CDH4: variants seen among roughly 807,000 people sequenced by gnomAD.
CDH4 encodes the protein cadherin-4.
A neutral mutation model predicts 86.0 loss-of-function variants in CDH4; 33 were observed. That is an observed-to-expected ratio of 0.38 (90% confidence interval 0.29 to 0.51). CDH4 has a LOEUF of 0.51. CDH4 is among the 20% of genes least tolerant of loss of function. The pLI is 0.86. For synonymous variants in CDH4, 555 were observed against 549.4 expected (o/e 1.01, Z -0.14); for missense variants, 1,114 against 1,307.4 (o/e 0.85, Z 2.28).
At position 61,372,664 on chromosome 20, in the gene CDH4, C is replaced by T. The variant is rs543362340; in HGVS notation, c.169+117727C>T. The stretch of plus-strand genomic sequence containing the variant: ...TGGCTCCAGTTCTCGGTTACCCTGA[C>T]GTCCCCTGAGATCCAGACCTGGAGC... On this transcript the variant is annotated intron_variant, in intron 2 of 15. Coordinates refer to ENST00000614565, the MANE Select transcript of CDH4 (RefSeq NM_001794.5). Among the ~76,000 whole-genome samples, 5 of 152,324 alleles carry T rather than the reference C, an allele frequency of 3.3e-5. No homozygotes were observed. The South Asian group carries it at 8.3e-4, about 25-fold the overall frequency.
At chr20:61,285,305 C>G (rs1444876980) in intron 2 of CDH4, among the ~76,000 whole-genome samples, 1 of 152,226 alleles carries the variant, frequency 6.6e-6, no homozygotes, top group Non-Finnish European at 1.5e-5. Flanking sequence ...CCACAGCTGC[C>G]TGCTCTTGAC....
intron 2 of CDH4, among the ~76,000 whole-genome samples, chr20:61,725,736 G>T (rs530997258): frequency 2.6e-5 from 4 of 152,140 alleles, no homozygotes; most frequent in African/African-American, 9.6e-5. Flanking sequence ...AGAGACACAA[G>T]GGGGGAGGAG....
intron 3 of CDH4, among the ~76,000 whole-genome samples, chr20:61,765,573 AGAG>A (rs149908568): frequency 3.9e-5 from 6 of 152,112 alleles, no homozygotes; most frequent in Admixed American, 1.3e-4. Context: ...AGAGCAGGGA[AGAG>A]GAGGAGGAGG....
Position 61,583,130 on chromosome 20 carries a change from C to CGGGGGGACAGAGGGCTCTGCG in CDH4, c.170-160431_170-160411dup, listed in dbSNP as rs1568697039. ...GGGTACCGTGCAACAGAAGGCTCTG[C>CGGGGGGACAGAGGGCTCTGCG]GGGGGGACAGAGGGCTCTGCGGAGG... On this transcript the variant is annotated intron_variant, in intron 2 of 15. Coordinates refer to ENST00000614565, the MANE Select transcript of CDH4 (RefSeq NM_001794.5). Among the ~76,000 whole-genome samples, 5 of 120,772 alleles carry CGGGGGGACAGAGGGCTCTGCG rather than the reference C, an allele frequency of 4.1e-5. 2 individuals carry two copies. Among genetic ancestry groups the CGGGGGGACAGAGGGCTCTGCG allele is most frequent in the Admixed American group, 1.8e-4 (2 of 11,302 alleles). The allele number at this position is 120,772 out of a possible 152,430, so 79.2% of individuals were successfully genotyped here.
intron 10 of CDH4, 76 bp downstream of exon 10, chr20:61,923,780 T>C: frequency 2.1e-6 from 3 of 1,449,286 alleles, no homozygotes; most frequent in South Asian, 1.3e-5. Flanking sequence ...AAATACCCCA[T>C]GAAACCCACA....
chr20:61,269,830 A>T lies in CDH4; in HGVS notation c.169+14893A>T, dbSNP rs933385126. ...GGGGAGACTGTCAGATAGCAACTCC[A>T]TGTTCCCGACGCATGACCGGACCTC... On this transcript the variant is annotated intron_variant, in intron 2 of 15. Coordinates refer to ENST00000614565, the MANE Select transcript of CDH4 (RefSeq NM_001794.5). This position sits in a 1 kb window ranked among gnomAD's most constrained non-coding sequence, Gnocchi z 5.3. Among the ~76,000 whole-genome samples the T allele has an allele frequency of 6.6e-6, 1 of 152,058 alleles. No individual in the cohort carries two copies. The highest frequency in any genetic ancestry group is 1.5e-5 in the Non-Finnish European group (1 of 68,020).
At chr20:61,839,583 G>T (rs946576327) in intron 4 of CDH4, among the ~76,000 whole-genome samples, 8 of 151,598 alleles carry the variant, frequency 5.3e-5, no homozygotes, top group Non-Finnish European at 7.4e-5. Context: ...TGTGTGTGAC[G>T]TGTGTATGTG....
chr20:61,782,081 C>G (rs573431312), intron 4 of CDH4, among the ~76,000 whole-genome samples: 2 of 152,248 alleles, frequency 1.3e-5, no homozygotes, highest in East Asian at 3.9e-4. Flanking sequence ...CCAATGCAGG[C>G]AGATCACCTG....
chr20:61,743,644 C>T lies in CDH4; in HGVS notation c.251C>T (p.Thr84Ile). The change falls in exon 3 of 16, where the codon ACA becomes ATA. Residue 84 changes from threonine to isoleucine, a missense_variant. Physicochemically the swap from Thr to Ile is moderately conservative, Grantham distance 89. Coordinates refer to ENST00000614565, the MANE Select transcript of CDH4 (RefSeq NM_001794.5). ...GACTTCAAAGTTGGGGCAGATGGGA[C>T]AGTCTTCGCCACCCGGGAGCTGCAG... is the stretch of plus-strand genomic sequence containing the variant. Reference protein sequence around the residue: ...SMDFKVGADGTVFATRELQVP... With the variant: ...SMDFKVGADGIVFATRELQVP... 1.3e-6 allele frequency: 2 copies of T among 1,594,594 alleles called. No individual in the cohort carries two copies. Among genetic ancestry groups the T allele is most frequent in the Non-Finnish European group, 1.7e-6 (2 of 1,170,240 alleles).
Position 61,527,673 on chromosome 20 carries a change from G to A in CDH4, c.170-215890G>A, listed in dbSNP as rs6142786. Among the ~76,000 whole-genome samples the A allele has an allele frequency of 0.028, 4,296 of 152,266 alleles. 340 individuals carry two copies. In the East Asian group the frequency reaches 0.32, roughly 11 times the overall value. On this transcript the variant is annotated intron_variant, in intron 2 of 15. Transcript: ENST00000614565. ...GCCCCATGTGGTTTGCAAAGCATGC[G>A]TGCTGTTTTATATGTTTCTTTTAAA...
intron 2 of CDH4, among the ~76,000 whole-genome samples, chr20:61,304,569 G>C (rs1387218896): frequency 6.6e-6 from 1 of 152,012 alleles, no homozygotes; most frequent in Non-Finnish European, 1.5e-5. Flanking sequence ...TTTGAACTCT[G>C]AATTGTACTA....
chr20:61,257,211 C>T (rs2084103435), intron 2 of CDH4, among the ~76,000 whole-genome samples: 1 of 152,220 alleles, frequency 6.6e-6, no homozygotes, highest in Admixed American at 6.5e-5. Flanking sequence ...TCAGCGACTG[C>T]TCCGTGGCTC....
At chr20:61,331,613 C>T (rs13041844) in intron 2 of CDH4, among the ~76,000 whole-genome samples, 113 of 93,330 alleles carry the variant, frequency 1.2e-3, no homozygotes, top group African/African-American at 2.7e-3. Flanking sequence ...CGGCCACCTG[C>T]CCCAGGCCCA....
chr20:61,334,272 G>T (rs1478151532), intron 2 of CDH4, among the ~76,000 whole-genome samples: 1 of 152,228 alleles, frequency 6.6e-6, no homozygotes, highest in East Asian at 1.9e-4. Flanking sequence ...TCCTATTTTT[G>T]TGGTGTCTCA....
At chr20:61,802,033 G>A (rs1427976772) in intron 4 of CDH4, among the ~76,000 whole-genome samples, 3 of 152,222 alleles carry the variant, frequency 2.0e-5, no homozygotes, top group East Asian at 1.9e-4. Context: ...TGTAAGTGGC[G>A]CAAGAGCGGG....
intron 2 of CDH4, among the ~76,000 whole-genome samples, chr20:61,477,560 G>C (rs2085545430): frequency 6.6e-6 from 1 of 152,214 alleles, no homozygotes; most frequent in Non-Finnish European, 1.5e-5. Context: ...GTGGAAGAAG[G>C]TCCACATAGG....
chr20:61,717,862 CA>C (rs928336452), intron 2 of CDH4: 7 of 152,456 alleles, frequency 4.6e-5, no homozygotes, highest in Non-Finnish European at 7.3e-5. Context: ...AGCCGTGAAC[CA>C]GGTGTTGGGC....
chr20:61,596,736 G>T (rs1431666402), intron 2 of CDH4, among the ~76,000 whole-genome samples: 1 of 152,146 alleles, frequency 6.6e-6, no homozygotes, highest in Non-Finnish European at 1.5e-5. Context: ...TAACATCATG[G>T]ATGGGGCTGA....
At chr20:61,476,716 A>G (rs2085538448) in intron 2 of CDH4, among the ~76,000 whole-genome samples, 1 of 152,218 alleles carries the variant, frequency 6.6e-6, no homozygotes, top group Non-Finnish European at 1.5e-5. Context: ...TTTTCACACT[A>G]TTACCTTTAT....
Sources: gnomAD v4.1 joint callset for allele counts (sites outside exome capture counted in the v4.1 genomes callset) on GRCh38, gnomAD v4.1.1 for gene constraint, Gnocchi (gnomAD v3.1) non-coding constraint, MANE v1.5 for transcripts, NCBI Gene and HGNC (gene_info 2026-07-23, HGNC 2026-07-21) for gene names.